The following ALK variants were observed in gnomAD, a reference collection of about 807,000 sequenced individuals.
ALK encodes the protein ALK tyrosine kinase receptor.
Under a neutral mutation model 163.1 loss-of-function variants are expected in ALK, and 74 were observed. The ratio of observed to expected loss-of-function variants is 0.45; its 90% CI spans 0.38 to 0.55. The LOEUF (loss-of-function observed/expected upper bound fraction) is 0.55, where lower values mean the gene tolerates loss of function less well. ALK is among the 20% of genes least tolerant of loss of function. ALK has a pLI of 0.00. For missense variants in ALK, 2,063 were observed against 2,105.3 expected, an observed-to-expected ratio of 0.98 and a Z score of 0.39; for synonymous variants, 960 against 843.2, an observed-to-expected ratio of 1.14 and a Z score of -2.40.
chr2:29,773,254 A>AT (rs201217502), intron 1 of ALK, among the ~76,000 whole-genome samples: 1 of 151,672 alleles, frequency 6.6e-6, no homozygotes, highest in Non-Finnish European at 1.5e-5. Context: ...ACACACACAC[A>AT]TTTTTTTCTT....
At chr2:29,711,256 C>T (rs1007785130) in intron 2 of ALK, among the ~76,000 whole-genome samples, 5 of 152,180 alleles carry the variant, frequency 3.3e-5, no homozygotes, top group Non-Finnish European at 7.3e-5. Context: ...TTGACCTGTT[C>T]CCAAACACCT....
At chr2:29,423,935 C>T (rs1365868271) in intron 4 of ALK, among the ~76,000 whole-genome samples, 2 of 152,312 alleles carry the variant, frequency 1.3e-5, no homozygotes, top group Middle Eastern at 3.4e-3. Flanking sequence ...AGCAGACTCC[C>T]TCCTTCCCCT....
At chr2:29,681,977 C>A (rs1263773252) in intron 3 of ALK, among the ~76,000 whole-genome samples, 6 of 152,176 alleles carry the variant, frequency 3.9e-5, no homozygotes, top group Non-Finnish European at 8.8e-5. Context: ...AAGCTTGTTT[C>A]TCTAGCAAGC....
chr2:29,234,070 G>A (rs1196431425), intron 13 of ALK, among the ~76,000 whole-genome samples: 1 of 152,058 alleles, frequency 6.6e-6, no homozygotes, highest in African/African-American at 2.4e-5. Flanking sequence ...AGAGTGGCAT[G>A]AGCCCAGAGG....
At chr2:29,433,852 T>C (rs1371790730) in intron 4 of ALK, among the ~76,000 whole-genome samples, 2 of 152,238 alleles carry the variant, frequency 1.3e-5, no homozygotes, top group Non-Finnish European at 2.9e-5. Flanking sequence ...TAATGGATAC[T>C]GTTTAATGAA....
Position 29,921,081 on chromosome 2 carries a change from A to G in ALK, c.-422T>C, listed in dbSNP as rs554762473. 342 of 252,306 alleles carry G rather than the reference A, an allele frequency of 1.4e-3. 2 individuals are homozygous for G. Among genetic ancestry groups the G allele is most frequent in the African/African-American group, 6.8e-3 (312 of 46,098 alleles). 15.6% of individuals were successfully genotyped at this position (252,306 alleles called of 1,614,324 possible). On this transcript the variant is annotated 5_prime_UTR_variant, in exon 1 of 29. Coordinates refer to ENST00000389048, the MANE Select transcript of ALK (RefSeq NM_004304.5). ...TCTGTCCCCTCTCGGGGCAGCCTCC[A>G]ATCTCTGCAACTTTTAAGGCTGAGA...
intron 3 of ALK, among the ~76,000 whole-genome samples, chr2:29,562,075 A>G (rs1674039897): frequency 6.6e-6 from 1 of 152,186 alleles, no homozygotes; most frequent in African/African-American, 2.4e-5. Flanking sequence ...GTTTATAACC[A>G]ATCCCCTTCC....
At chr2:29,332,200 C>T (rs1243864911) in intron 5 of ALK, among the ~76,000 whole-genome samples, 35 of 144,126 alleles carry the variant, frequency 2.4e-4, no homozygotes, top group African/African-American at 8.0e-4. Flanking sequence ...GCAGGAGAAC[C>T]GCTTGAACCA....
chr2:29,590,872 C>A (rs1165106652), intron 3 of ALK, among the ~76,000 whole-genome samples: 2 of 151,628 alleles, frequency 1.3e-5, no homozygotes, highest in Non-Finnish European at 2.9e-5. Flanking sequence ...GAGATCGAGA[C>A]CATCTTGGCT....
At chr2:29,532,394 G>C (rs1316659974) in intron 3 of ALK, among the ~76,000 whole-genome samples, 2 of 152,118 alleles carry the variant, frequency 1.3e-5, no homozygotes, top group Admixed American at 6.5e-5. Context: ...CTGTGTCCTA[G>C]AGCCTTCGAT....
At chr2:29,346,838 G>C (rs1255498403) in intron 5 of ALK, among the ~76,000 whole-genome samples, 1 of 152,162 alleles carries the variant, frequency 6.6e-6, no homozygotes, top group Non-Finnish European at 1.5e-5. Context: ...AGGAGGAGAA[G>C]AATGAAGCAC....
intron 1 of ALK, among the ~76,000 whole-genome samples, chr2:29,737,684 G>C (rs888240728): frequency 2.6e-5 from 4 of 152,154 alleles, no homozygotes; most frequent in African/African-American, 9.7e-5. Context: ...CAGGTGGTAG[G>C]CATCTGCCAT....
Position 29,768,443 on chromosome 2 carries a change from A to G in ALK, c.668-50746T>C, listed in dbSNP as rs181790109. On this transcript the variant is annotated intron_variant, in intron 1 of 28. Coordinates refer to ENST00000389048, the MANE Select transcript of ALK (RefSeq NM_004304.5). ...TTGCAAAGAAAGACAGATAGCCTTGATTGCATAAAAATCTAATACTAATTT... is the reference window on the plus strand; with the variant it reads ...TTGCAAAGAAAGACAGATAGCCTTGGTTGCATAAAAATCTAATACTAATTT... Among the ~76,000 whole-genome samples the G allele has an allele frequency of 2.4e-3, 369 of 152,332 alleles. 1 individual carries two copies. The highest frequency in any genetic ancestry group is 8.0e-3 in the African/African-American group (333 of 41,582).
intron 8 of ALK, among the ~76,000 whole-genome samples, chr2:29,299,280 G>A (rs1487967687): frequency 6.6e-6 from 1 of 152,194 alleles, no homozygotes; most frequent in African/African-American, 2.4e-5. Context: ...ATGCTCATCT[G>A]TGACTTGGGC....
intron 12 of ALK, among the ~76,000 whole-genome samples, chr2:29,240,223 G>C (rs1664489626): frequency 6.6e-6 from 1 of 151,692 alleles, no homozygotes; most frequent in Non-Finnish European, 1.5e-5. Context: ...ATGGCTTTCT[G>C]AATACCTAGG....
At chr2:29,742,594 G>A (rs1277089079) in intron 1 of ALK, among the ~76,000 whole-genome samples, 1 of 152,192 alleles carries the variant, frequency 6.6e-6, no homozygotes, top group East Asian at 1.9e-4. Flanking sequence ...TCCAACACTA[G>A]GCACTGACAC....
intron 2 of ALK, among the ~76,000 whole-genome samples, chr2:29,695,224 G>C (rs532680169): frequency 4.6e-5 from 7 of 152,312 alleles, no homozygotes; most frequent in South Asian, 4.2e-4. Context: ...CATATTACGG[G>C]AGATGTTCTC....
At position 29,419,251 on chromosome 2, in the gene ALK, C is replaced by T. The variant is rs918945717; in HGVS notation, c.1155-35392G>A. The stretch of plus-strand genomic sequence containing the variant: ...TGTATTTTTAGTAGAGACAGGGTTT[C>T]ACCATGTTGGCCAGTCTGGTCTCGA... On this transcript the variant is annotated intron_variant, in intron 4 of 28. Coordinates refer to ENST00000389048, the MANE Select transcript of ALK (RefSeq NM_004304.5). Among the ~76,000 whole-genome samples, 8 of 151,310 alleles carry T rather than the reference C, an allele frequency of 5.3e-5. No individual in the cohort carries two copies. In the East Asian group the frequency reaches 1.5e-3, roughly 29 times the overall value.
chr2:29,899,670 C>T (rs1039225293), intron 1 of ALK: 1 of 151,810 alleles, frequency 6.6e-6, no homozygotes, highest in African/African-American at 2.4e-5. Flanking sequence ...ACTAAAAATA[C>T]AAAAAATTAG....
Sources: allele counts gnomAD v4.1 joint callset (sites outside exome capture counted in the v4.1 genomes callset), GRCh38; gene constraint gnomAD v4.1.1; transcripts MANE v1.5; gene names NCBI Gene and HGNC (gene_info 2026-07-23, HGNC 2026-07-21).